The following PDE1C variants were observed in gnomAD, a reference collection of about 807,000 sequenced individuals.
PDE1C encodes the protein dual specificity calcium/calmodulin-dependent 3',5'-cyclic nucleotide phosphodiesterase 1C.
PDE1C carries 62 observed loss-of-function variants against 93.1 expected under a neutral mutation model. The ratio of observed to expected loss-of-function variants is 0.67; its 90% CI spans 0.54 to 0.82. PDE1C has a LOEUF of 0.82. Among genes scored for constraint, PDE1C ranks in the 40% least tolerant of loss-of-function variants. PDE1C has a pLI of 0.00. For missense variants in PDE1C, 742 were observed against 884.6 expected (o/e 0.84, Z 2.04); for synonymous variants, 325 against 310.1 (o/e 1.05, Z -0.50).
the PDE1C span, among the ~76,000 whole-genome samples, chr7:31,666,374 A>G: frequency 1.3e-5 from 2 of 152,286 alleles, no homozygotes; most frequent in East Asian, 3.9e-4. Context: ...CGTCCTTTAA[A>G]TTAGATTTAT....
chr7:32,282,001 G>T (rs1811663114), intron 1 of PDE1C, among the ~76,000 whole-genome samples: 1 of 152,040 alleles, frequency 6.6e-6, no homozygotes, highest in East Asian at 1.9e-4. Context: ...CACATACTGG[G>T]GCCTGTCATG....
chr7:32,376,073 T>C (rs215716), intron 1 of PDE1C, among the ~76,000 whole-genome samples: 148,355 of 152,224 alleles, frequency 0.97, 72,309 homozygotes, highest in East Asian at 1. Flanking sequence ...AGGAGAATTG[T>C]TTGAACCCAG....
chr7:32,387,701 C>A (rs1336847752), intron 1 of PDE1C, among the ~76,000 whole-genome samples: 1 of 141,504 alleles, frequency 7.1e-6, no homozygotes, highest in Non-Finnish European at 1.5e-5. Flanking sequence ...ACCTCCCTCC[C>A]GGACGGGGCG....
chr7:31,996,694 ATC>A (rs1784771470), intron 2 of PDE1C, among the ~76,000 whole-genome samples: 1 of 152,248 alleles, frequency 6.6e-6, no homozygotes, highest in Non-Finnish European at 1.5e-5. Flanking sequence ...TGGATCCAAC[ATC>A]TCTCTGCTGC....
chr7:31,620,665 C>T, the PDE1C span, among the ~76,000 whole-genome samples: 2 of 150,326 alleles, frequency 1.3e-5, no homozygotes, highest in African/African-American at 2.4e-5. Flanking sequence ...GGGGAAAAAA[C>T]AGAACAGAAA....
At chr7:31,992,434 A>G (rs766650481) in intron 2 of PDE1C, among the ~76,000 whole-genome samples, 4 of 152,208 alleles carry the variant, frequency 2.6e-5, no homozygotes, top group African/African-American at 4.8e-5. Flanking sequence ...ATCACATATG[A>G]GACACTCCTG....
chr7:32,200,204 T>C (rs1268343044), intron 2 of PDE1C, among the ~76,000 whole-genome samples: 4 of 152,190 alleles, frequency 2.6e-5, no homozygotes, highest in East Asian at 3.8e-4. Flanking sequence ...CTGCCTCTTA[T>C]AGGTTTTTTG....
chr7:31,972,083 G>GT (rs1811038320), intron 2 of PDE1C, among the ~76,000 whole-genome samples: 1 of 152,070 alleles, frequency 6.6e-6, no homozygotes, highest in South Asian at 2.1e-4. Context: ...TCATACACTC[G>GT]TAAATGAAGG....
At chr7:31,616,843 T>C in the PDE1C span, among the ~76,000 whole-genome samples, 1 of 151,492 alleles carries the variant, frequency 6.6e-6, no homozygotes, top group South Asian at 2.1e-4. Flanking sequence ...AATTATCAGA[T>C]ATCCAAACCT....
chr7:32,172,516 G>T (rs376033228), intron 2 of PDE1C, among the ~76,000 whole-genome samples: 1 of 152,016 alleles, frequency 6.6e-6, no homozygotes, highest in Non-Finnish European at 1.5e-5. Flanking sequence ...CAGTCAGAAC[G>T]GCAATTATTA....
At chr7:32,003,641 T>C (rs1785774466) in intron 2 of PDE1C, among the ~76,000 whole-genome samples, 1 of 152,214 alleles carries the variant, frequency 6.6e-6, no homozygotes, top group African/African-American at 2.4e-5. Context: ...TATGACTGGA[T>C]TCAGCTATGG....
chr7:32,244,748 T>C (rs1193538244), intron 1 of PDE1C, among the ~76,000 whole-genome samples: 1 of 152,024 alleles, frequency 6.6e-6, no homozygotes, highest in East Asian at 1.9e-4. Flanking sequence ...TGATGCATGG[T>C]GTTTTTAAAA....
At chr7:31,740,950 T>A in the PDE1C span, among the ~76,000 whole-genome samples, 1 of 151,858 alleles carries the variant, frequency 6.6e-6, no homozygotes, top group Non-Finnish European at 1.5e-5. Flanking sequence ...ATGCCTGTAG[T>A]CCCAGCTACT....
chr7:31,964,140 A>C (rs1337079201), intron 2 of PDE1C, among the ~76,000 whole-genome samples: 1 of 152,228 alleles, frequency 6.6e-6, no homozygotes, highest in African/African-American at 2.4e-5. Context: ...ACCGTGCGTG[A>C]GCCAAAGCAC....
chr7:31,646,505 A>G, the PDE1C span, among the ~76,000 whole-genome samples: 1 of 152,166 alleles, frequency 6.6e-6, no homozygotes, highest in East Asian at 1.9e-4. Context: ...CCTCATGGTA[A>G]GGACATTATT....
chr7:32,088,149 G>A (rs1463460489), intron 3 of PDE1C, among the ~76,000 whole-genome samples: 3 of 151,688 alleles, frequency 2.0e-5, no homozygotes, highest in African/African-American at 4.8e-5. Flanking sequence ...GTCTCGCACT[G>A]GAAACCACTA....
Position 31,844,082 on chromosome 7 carries a change from G to T in PDE1C, c.980+3886C>A, listed in dbSNP as rs1245790447. Among the ~76,000 whole-genome samples, 8 of 151,856 alleles carry T rather than the reference G, an allele frequency of 5.3e-5. No individual in the cohort carries two copies. The East Asian group carries it at 1.5e-3, about 29-fold the overall frequency. On this transcript the variant is annotated intron_variant, in intron 9 of 17. Coordinates refer to ENST00000396191, the MANE Select transcript of PDE1C (RefSeq NM_001191057.4). ...CTACATACAAACCTCATGAGATGGT[G>T]TTGTAATTTTTGCTTCAAATGGTCA...
At chr7:32,018,085 TA>T (rs145673129) in intron 2 of PDE1C, among the ~76,000 whole-genome samples, 12 of 142,640 alleles carry the variant, frequency 8.4e-5, no homozygotes, top group South Asian at 2.2e-4. Flanking sequence ...AGACCCTGTC[TA>T]AAAAAAAAAG....
chr7:31,924,755 G>A (rs1471225717), intron 2 of PDE1C, among the ~76,000 whole-genome samples: 2 of 152,036 alleles, frequency 1.3e-5, no homozygotes. Flanking sequence ...GGAACCAACT[G>A]GAGAGTCCAA....
Sources: gnomAD v4.1 joint callset for allele counts (sites outside exome capture counted in the v4.1 genomes callset) on GRCh38, gnomAD v4.1.1 for gene constraint, MANE v1.5 for transcripts, NCBI Gene and HGNC (gene_info 2026-07-23, HGNC 2026-07-21) for gene names.